The following CTNND2 variants were observed in gnomAD, a reference collection of about 807,000 sequenced individuals.
CTNND2 encodes the protein catenin delta-2.
Under a neutral mutation model 144.4 loss-of-function variants are expected in CTNND2, and 22 were observed. The observed-to-expected ratio is 0.15, with a 90% CI of 0.11 to 0.22. The LOEUF is 0.22. CTNND2 is among the 10% of genes least tolerant of loss of function. The pLI is 1.00. For missense variants in CTNND2, 1,353 were observed against 1,618.8 expected (o/e 0.84, Z 2.82); for synonymous variants, 751 against 695.6 (o/e 1.08, Z -1.25).
At chr5:11,592,649 G>A (rs1014428638) in intron 2 of CTNND2, among the ~76,000 whole-genome samples, 5 of 151,710 alleles carry the variant, frequency 3.3e-5, no homozygotes, top group African/African-American at 1.2e-4. Context: ...CAGAAATAGT[G>A]GGGGAAAGCC....
At chr5:11,760,413 A>G (rs1789192107) in intron 1 of CTNND2, among the ~76,000 whole-genome samples, 1 of 152,148 alleles carries the variant, frequency 6.6e-6, no homozygotes, top group Non-Finnish European at 1.5e-5. Flanking sequence ...TTTCAATTTT[A>G]TCTAATAATT....
intron 2 of CTNND2, among the ~76,000 whole-genome samples, chr5:11,577,860 T>C (rs1444852691): frequency 4.6e-5 from 7 of 152,242 alleles, no homozygotes. Flanking sequence ...AAAATTTAAC[T>C]ATGTTTTTGA....
intron 1 of CTNND2, among the ~76,000 whole-genome samples, chr5:11,802,492 A>G (rs1247700573): frequency 2.0e-5 from 3 of 151,262 alleles, no homozygotes; most frequent in African/African-American, 7.3e-5. Context: ...GCTTGAACCT[A>G]GAAGGCAGAG....
intron 2 of CTNND2, among the ~76,000 whole-genome samples, chr5:11,566,464 A>AT (rs896821619): frequency 1.1e-4 from 16 of 152,050 alleles, no homozygotes; most frequent in Admixed American, 3.3e-4. Context: ...CTTTTAGAAG[A>AT]TTTTTTCACT....
At chr5:11,681,405 G>A (rs996407325) in intron 2 of CTNND2, among the ~76,000 whole-genome samples, 1 of 152,168 alleles carries the variant, frequency 6.6e-6, no homozygotes, top group Non-Finnish European at 1.5e-5. Context: ...AAAAGCTTGT[G>A]TCTGCACTGA....
chr5:11,847,174 A>G (rs1249836255), intron 1 of CTNND2, among the ~76,000 whole-genome samples: 2 of 113,790 alleles, frequency 1.8e-5, no homozygotes, highest in African/African-American at 3.0e-5. Flanking sequence ...ATATATATAT[A>G]TGCACACCCA....
intron 1 of CTNND2, among the ~76,000 whole-genome samples, chr5:11,752,306 G>T (rs976042798): frequency 6.6e-6 from 1 of 151,678 alleles, no homozygotes; most frequent in African/African-American, 2.4e-5. Flanking sequence ...AATTTCCTAG[G>T]TTATCATCAG....
At chr5:11,816,078 C>T (rs1224963900) in intron 1 of CTNND2, among the ~76,000 whole-genome samples, 1 of 152,174 alleles carries the variant, frequency 6.6e-6, no homozygotes, top group Non-Finnish European at 1.5e-5. Context: ...GAGAGCCTGG[C>T]AAGAGGCCCT....
chr5:11,245,912 TCTGA>T (rs1742952028), intron 9 of CTNND2, among the ~76,000 whole-genome samples: 1 of 152,230 alleles, frequency 6.6e-6, no homozygotes, highest in Non-Finnish European at 1.5e-5. Context: ...ATTGATTTAC[TCTGA>T]CTTTCTGACC....
At chr5:11,483,972 G>A (rs540044935) in intron 3 of CTNND2, among the ~76,000 whole-genome samples, 2 of 152,266 alleles carry the variant, frequency 1.3e-5, no homozygotes, top group Admixed American at 6.5e-5. Flanking sequence ...ACTGAAAGCA[G>A]GCATAGTCAT....
intron 15 of CTNND2, among the ~76,000 whole-genome samples, chr5:11,098,239 T>G (rs1221214179): frequency 6.6e-6 from 1 of 152,170 alleles, no homozygotes; most frequent in South Asian, 2.1e-4. Flanking sequence ...CAGTTAATGA[T>G]AGTGCTTTGA....
Position 10,988,353 on chromosome 5 carries a change from T to C in CTNND2, c.3212-111A>G. On this transcript the variant is annotated intron_variant, in intron 19 of 21. Coordinates refer to ENST00000304623, the MANE Select transcript of CTNND2 (RefSeq NM_001332.4). The surrounding 1 kb of genome is among the most constrained non-coding windows in gnomAD (Gnocchi z 5.9). ...ATGGTCCCGCATCTCAATGCCTACG[T>C]GAGGACCTGATGGGTTTTCTTTTTA... The C allele has an allele frequency of 1.5e-6, 2 of 1,317,380 alleles. No individual in the cohort carries two copies. The highest frequency in any genetic ancestry group is 2.4e-5 in the East Asian group (1 of 42,544). The allele number at this position is 1,317,380 out of a possible 1,614,324, so 81.6% of individuals were successfully genotyped here.
intron 3 of CTNND2, among the ~76,000 whole-genome samples, chr5:11,525,449 G>A (rs550364085): frequency 6.6e-6 from 1 of 151,830 alleles, no homozygotes; most frequent in South Asian, 2.1e-4. Flanking sequence ...AATTTAGGAA[G>A]AGGTTAAATT....
chr5:11,836,564 AACAG>A (rs1794192831), intron 1 of CTNND2, among the ~76,000 whole-genome samples: 1 of 152,168 alleles, frequency 6.6e-6, no homozygotes, highest in African/African-American at 2.4e-5. Context: ...CCATTAGCCA[AACAG>A]ACAATTTAAA....
chr5:10,981,347 C>A (rs1453453188), intron 21 of CTNND2, among the ~76,000 whole-genome samples: 5 of 152,168 alleles, frequency 3.3e-5, no homozygotes, highest in Non-Finnish European at 4.4e-5. Flanking sequence ...CTTGCTGTGT[C>A]TCCTTTATTG....
At chr5:11,081,108 TCACA>T (rs1749526081) in intron 16 of CTNND2, among the ~76,000 whole-genome samples, 7 of 67,012 alleles carry the variant, frequency 1.0e-4, no homozygotes, top group Admixed American at 1.6e-4. Flanking sequence ...ACACACACAC[TCACA>T]CACACACACA....
At chr5:11,760,125 T>C (rs1789176911) in intron 1 of CTNND2, among the ~76,000 whole-genome samples, 10 of 151,706 alleles carry the variant, frequency 6.6e-5, no homozygotes, top group Admixed American at 5.9e-4. Flanking sequence ...ATAATTAATA[T>C]AGCAATTGGA....
At chr5:11,294,722 T>A (rs910919559) in intron 9 of CTNND2, among the ~76,000 whole-genome samples, 1 of 152,066 alleles carries the variant, frequency 6.6e-6, no homozygotes, top group African/African-American at 2.4e-5. Flanking sequence ...ACAGAACCAG[T>A]GACAAAAACC....
chr5:11,184,306 C>T (rs1735399301), intron 11 of CTNND2, among the ~76,000 whole-genome samples: 1 of 152,214 alleles, frequency 6.6e-6, no homozygotes, highest in South Asian at 2.1e-4. Flanking sequence ...TTAAGTATAT[C>T]TGGAAACCAG....
Sources: allele counts gnomAD v4.1 joint callset (sites outside exome capture counted in the v4.1 genomes callset), GRCh38; gene constraint gnomAD v4.1.1; non-coding constraint Gnocchi (gnomAD v3.1); transcripts MANE v1.5; gene names NCBI Gene and HGNC (gene_info 2026-07-23, HGNC 2026-07-21).